Variants in RTCB observed in about 807,000 individuals in gnomAD.
RTCB encodes RNA 2',3'-cyclic phosphate and 5'-OH ligase, also known as RNA-splicing ligase RTCB.
RTCB carries 32 observed loss-of-function variants against 58.2 expected under a neutral mutation model. That is an observed-to-expected ratio of 0.55 (90% confidence interval 0.41 to 0.74). The LOEUF (loss-of-function observed/expected upper bound fraction) is 0.74, where lower values mean the gene tolerates loss of function less well. Ranked by LOEUF, RTCB falls within the 30% of genes least tolerant of loss-of-function variation. The pLI, the probability that RTCB is intolerant of heterozygous loss-of-function variation, is 0.00. For missense variants in RTCB, 523 were observed against 639.0 expected (o/e 0.82, Z 1.96); for synonymous variants, 247 against 218.6 (o/e 1.13, Z -1.15).
intron 10 of RTCB, among the ~76,000 whole-genome samples, chr22:32,393,025 C>G (rs770514941): frequency 3.4e-4 from 52 of 152,336 alleles, no homozygotes; most frequent in Admixed American, 8.5e-4. Context: ...CAGCCTTAAT[C>G]TCCTGGGCTC....
intron 9 of RTCB, among the ~76,000 whole-genome samples, chr22:32,394,323 G>A (rs1343319198): frequency 1.3e-5 from 2 of 152,062 alleles, no homozygotes; most frequent in African/African-American, 4.8e-5. Flanking sequence ...ATGTTAGCCA[G>A]GATGGTCTCG....
At chr22:32,392,099 A>G in intron 11 of RTCB, 141 bp downstream of exon 11, 2 of 813,958 alleles carry the variant, frequency 2.5e-6, no homozygotes, top group South Asian at 4.2e-5. Flanking sequence ...TCCAAGGAAG[A>G]TAAGCCAAAA....
intron 10 of RTCB, 115 bp from the exon 11 acceptor site, chr22:32,392,474 T>C (rs767452777): frequency 4.5e-6 from 6 of 1,331,792 alleles, no homozygotes; most frequent in Middle Eastern, 1.8e-4. Flanking sequence ...CTTTATCGAA[T>C]TGGTAACAGG....
At chr22:32,401,676 C>T in intron 5 of RTCB, 71 bp downstream of exon 5, 2 of 1,529,616 alleles carry the variant, frequency 1.3e-6, no homozygotes, top group East Asian at 2.3e-5. Context: ...GTGTACTGCA[C>T]TGGAAAGGAA....
chr22:32,390,685 T>C (rs778448631), intron 11 of RTCB, among the ~76,000 whole-genome samples: 6 of 152,126 alleles, frequency 3.9e-5, no homozygotes, highest in Non-Finnish European at 7.4e-5. Flanking sequence ...CCTCACCTTG[T>C]GATCCACCCG....
chr22:32,406,407 C>T (rs752260153), intron 4 of RTCB, among the ~76,000 whole-genome samples: 1 of 152,010 alleles, frequency 6.6e-6, no homozygotes, highest in Non-Finnish European at 1.5e-5. Context: ...ACTGCAACCT[C>T]CGCCTCCCGG....
intron 10 of RTCB, chr22:32,392,566 C>T (rs1239444332): frequency 1.4e-6 from 1 of 707,050 alleles, no homozygotes; most frequent in South Asian, 1.5e-5. Flanking sequence ...GGGTATTCAG[C>T]AGCGCAGCGC....
chr22:32,410,235 G>T (rs573631626), intron 1 of RTCB, among the ~76,000 whole-genome samples: 115 of 152,300 alleles, frequency 7.6e-4, no homozygotes, highest in African/African-American at 2.5e-3. Flanking sequence ...CTAGGGAGCT[G>T]GGAGAGGTTT....
In RTCB at chr22:32,409,101, G is replaced by A. The variant is rs531950276; in HGVS notation, c.94-268C>T. 2.0e-5 allele frequency among the ~76,000 whole-genome samples: 3 copies of A among 151,956 alleles called. No homozygotes were observed. In the South Asian group the frequency reaches 6.2e-4, roughly 32 times the overall value. ...CACATTTAAGAATTCAACAGATTCA[G>A]CATCTTTTTGTGATAAAGAAAAATC... On this transcript the variant is annotated intron_variant, in intron 1 of 11. Coordinates refer to ENST00000216038, the MANE Select transcript of RTCB (RefSeq NM_014306.5).
chr22:32,392,118 A>AT, intron 11 of RTCB, 122 bp downstream of exon 11: 1 of 1,053,042 alleles, frequency 9.5e-7, no homozygotes, highest in Non-Finnish European at 1.4e-6. Flanking sequence ...AATTGAGGTC[A>AT]TAAAAAAAAA....
chr22:32,388,147 T>G, intron 11 of RTCB, 48 bp from the exon 12 acceptor site: 1 of 1,156,246 alleles, frequency 8.6e-7, no homozygotes, highest in Non-Finnish European at 1.3e-6. Flanking sequence ...GAAAACACAG[T>G]CTTTACAAGC....
intron 11 of RTCB, among the ~76,000 whole-genome samples, chr22:32,388,968 A>G (rs554648828): frequency 6.6e-6 from 1 of 152,052 alleles, no homozygotes; most frequent in South Asian, 2.1e-4. Context: ...TTCATCTCCA[A>G]CTTTCTGAAT....
At position 32,397,324 on chromosome 22, in the gene RTCB, T is replaced by G. The variant is rs187525612; in HGVS notation, c.814+617A>C. Among the ~76,000 whole-genome samples the G allele has an allele frequency of 2.4e-4, 36 of 152,264 alleles. No homozygotes were observed. In the East Asian group the frequency reaches 6.2e-3, roughly 26 times the overall value. On this transcript the variant is annotated intron_variant, in intron 7 of 11. Coordinates refer to ENST00000216038, the MANE Select transcript of RTCB (RefSeq NM_014306.5). ...TTCATGCTGCCTTTGTCACCAGTCTTTGTGTGTAATTGTCCAAACTGTGAG... is the reference window on the plus strand; with the variant it reads ...TTCATGCTGCCTTTGTCACCAGTCTGTGTGTGTAATTGTCCAAACTGTGAG...
chr22:32,400,389 C>T (rs1313630821), intron 5 of RTCB, among the ~76,000 whole-genome samples: 2 of 152,196 alleles, frequency 1.3e-5, no homozygotes, highest in Non-Finnish European at 2.9e-5. Flanking sequence ...TCTTCTAAAA[C>T]ACTGCCAGGA....
chr22:32,392,129 T>C, intron 11 of RTCB, 111 bp downstream of exon 11: 1 of 1,189,148 alleles, frequency 8.4e-7, no homozygotes, highest in Non-Finnish European at 1.2e-6. Flanking sequence ...TAAAAAAAAA[T>C]AACCCAAACA....
intron 5 of RTCB, among the ~76,000 whole-genome samples, chr22:32,400,260 G>C (rs737779): frequency 0.34 from 52,080 of 152,020 alleles, 9,093 homozygotes; most frequent in East Asian, 0.51. Flanking sequence ...ATTTTAAGCT[G>C]TTTTCCCATC....
At chr22:32,399,958 A>G (rs1008421395) in intron 5 of RTCB, 199 bp from the exon 6 acceptor site, 11 of 436,624 alleles carry the variant, frequency 2.5e-5, no homozygotes, top group African/African-American at 5.9e-5. Flanking sequence ...CCAATATAAA[A>G]TGATAAATGC....
In RTCB at chr22:32,394,044, A is replaced by T. The variant is rs753377824; in HGVS notation, c.1180-42T>A. On this transcript the variant is annotated intron_variant, in intron 9 of 11. Coordinates refer to ENST00000216038, the MANE Select transcript of RTCB (RefSeq NM_014306.5). ...ATCAAACATGTTAAAATTCAGAAAAACATAGGCTTTTTATGCATAAAATTT... is the reference window on the plus strand; with the variant it reads ...ATCAAACATGTTAAAATTCAGAAAATCATAGGCTTTTTATGCATAAAATTT... The T allele has an allele frequency of 2.2e-6, 3 of 1,390,390 alleles. No homozygotes were observed. The Admixed American group carries it at 5.0e-5, about 23-fold the overall frequency. The allele number at this position is 1,390,390 out of a possible 1,614,324, so 86.1% of individuals were successfully genotyped here. A position where few individuals can be genotyped will look rare whatever the true frequency, so the allele number is the denominator to read the frequency against.
chr22:32,395,182 A>T lies in RTCB; in HGVS notation c.1023T>A (p.Asp341Glu). The change falls in exon 9 of 12, where the codon GAT (aspartate) becomes GAA (glutamate). Residue 341 changes from aspartate (D) to glutamate (E), a missense_variant. By Grantham distance (45) the Asp-to-Glu change is conservative. Around this residue, in one of 3 missense-constraint regions of RTCB, gnomAD observed 248 missense variants for 292.5 expected, o/e 0.85. Transcript: ENST00000216038. Reference sequence around the variant, plus strand: ...CATAGATCACATGTAGGTCCAAGTCATCAGGGGTTGTGTTGAAGACCTTGG... The same window carrying T: ...CATAGATCACATGTAGGTCCAAGTCTTCAGGGGTTGTGTTGAAGACCTTGG... ...AFAKVFNTTP[D>E]DLDLHVIYDV... The T allele has an allele frequency of 6.2e-7, 1 of 1,614,236 alleles. No homozygotes were observed. The highest frequency in any genetic ancestry group is 8.5e-7 in the Non-Finnish European group (1 of 1,180,032).
Sources: allele counts gnomAD v4.1 joint callset (sites outside exome capture counted in the v4.1 genomes callset), GRCh38; gene constraint gnomAD v4.1.1; regional missense constraint gnomAD v4.1.1; transcripts MANE v1.5; gene names NCBI Gene and HGNC (gene_info 2026-07-23, HGNC 2026-07-21).